CTDSPL2: variants seen among roughly 807,000 people sequenced by gnomAD.
CTDSPL2 encodes CTD small phosphatase like 2.
CTDSPL2 carries 5 observed loss-of-function variants against 60.0 expected under a neutral mutation model. The observed-to-expected ratio is 0.08, with a 90% CI of 0.04 to 0.18. The LOEUF is 0.18. Among genes scored for constraint, CTDSPL2 ranks in the 10% least tolerant of loss-of-function variants. The pLI, the probability that CTDSPL2 is intolerant of heterozygous loss-of-function variation, is 1.00. For missense variants in CTDSPL2, 370 were observed against 548.8 expected, an observed-to-expected ratio of 0.67 and a Z score of 3.26; for synonymous variants, 186 against 189.3, an observed-to-expected ratio of 0.98 and a Z score of 0.14.
chr15:44,477,369 C>CA (rs2080939712), intron 2 of CTDSPL2, among the ~76,000 whole-genome samples: 1 of 151,726 alleles, frequency 6.6e-6, no homozygotes, highest in East Asian at 1.9e-4. Context: ...CCCGTCTCTA[C>CA]AAAAAAATTT....
At chr15:44,485,216 A>AT (rs1463106729) in intron 3 of CTDSPL2, among the ~76,000 whole-genome samples, 1 of 152,252 alleles carries the variant, frequency 6.6e-6, no homozygotes, top group Non-Finnish European at 1.5e-5. Context: ...AAAACAAAGA[A>AT]TTAGACTGAA....
intron 2 of CTDSPL2, among the ~76,000 whole-genome samples, chr15:44,471,746 A>G (rs1474606227): frequency 1.3e-5 from 2 of 152,146 alleles, no homozygotes; most frequent in African/African-American, 4.8e-5. Flanking sequence ...CATCACCCTC[A>G]AAAGAAACCT....
intron 7 of CTDSPL2, among the ~76,000 whole-genome samples, chr15:44,498,801 A>T (rs1373817551): frequency 2.0e-5 from 3 of 152,110 alleles, no homozygotes; most frequent in African/African-American, 7.2e-5. Context: ...TGGGAGGCTG[A>T]GGCAGGAGAA....
intron 1 of CTDSPL2, among the ~76,000 whole-genome samples, chr15:44,432,915 C>T (rs2079890301): frequency 6.6e-6 from 1 of 152,048 alleles, no homozygotes; most frequent in South Asian, 2.1e-4. Context: ...AGCCACCGCA[C>T]CTGGCCGATT....
At chr15:44,446,705 CAAAA>C (rs558280344) in intron 1 of CTDSPL2, among the ~76,000 whole-genome samples, 1 of 92,254 alleles carries the variant, frequency 1.1e-5, no homozygotes, top group African/African-American at 4.2e-5. Flanking sequence ...AGGGAACAGG[CAAAA>C]AAAAAAAAGA....
At chr15:44,434,796 G>A (rs2141260868) in intron 1 of CTDSPL2, among the ~76,000 whole-genome samples, 1 of 152,228 alleles carries the variant, frequency 6.6e-6, no homozygotes, top group East Asian at 1.9e-4. Flanking sequence ...TTTATTTTTT[G>A]TATAGTTCTG....
Position 44,497,045 on chromosome 15 carries a change from T to C in CTDSPL2, c.789T>C (p.His263=). 6.2e-7 allele frequency: 1 copy of C among 1,604,804 alleles called. No homozygotes were observed. Among genetic ancestry groups the C allele is most frequent in the South Asian group, 1.1e-5 (1 of 90,516 alleles). Residue 263 remains histidine (H), a synonymous_variant, in exon 7 of 13, where the codon CAT becomes CAC. Coordinates refer to ENST00000260327, the MANE Select transcript of CTDSPL2 (RefSeq NM_016396.3). ...TTTATAGCTATTATTTCATCAAACATGTCCCGCCACTGACAGAAGAACAAC... is the reference window on the plus strand; with the variant it reads ...TTTATAGCTATTATTTCATCAAACACGTCCCGCCACTGACAGAAGAACAAC... ...EVFDPYYFIK[H]VPPLTEEQLN...
chr15:44,451,983 TC>T, intron 1 of CTDSPL2, among the ~76,000 whole-genome samples: 1 of 152,276 alleles, frequency 6.6e-6, no homozygotes, highest in African/African-American at 2.4e-5. Flanking sequence ...TAAATTCACT[TC>T]TAAGAAACTG....
chr15:44,486,583 G>A lies in CTDSPL2; in HGVS notation c.358G>A (p.Val120Ile), dbSNP rs945236392. ...TAGTTATGAAATGACAAATCAACAT[G>A]TAAAACAAAATGGAAAATTAGAAGA... ...AGSYEMTNQH[V>I]KQNGKLEDNP... is the part of the protein sequence containing the mutation. The change falls in exon 4 of 13, where the codon GTA (valine) becomes ATA (isoleucine). Residue 120 changes from valine (V) to isoleucine (I), a missense_variant. By Grantham distance (29) the Val-to-Ile change is conservative (BLOSUM62 3). Around this residue, in one of 6 missense-constraint regions of CTDSPL2, gnomAD observed 287 missense variants for 296.1 expected, o/e 0.97. Transcript: ENST00000260327. 27 of 1,586,936 alleles carry A rather than the reference G, an allele frequency of 1.7e-5. No individual in the cohort carries two copies. Among genetic ancestry groups the A allele is most frequent in the Non-Finnish European group, 2.3e-5 (27 of 1,169,234 alleles).
At chr15:44,429,265 A>G (rs1239319003) in intron 1 of CTDSPL2, among the ~76,000 whole-genome samples, 1 of 152,206 alleles carries the variant, frequency 6.6e-6, no homozygotes, top group Non-Finnish European at 1.5e-5. Flanking sequence ...GTTGAGCTTC[A>G]TACTTTCCTA....
chr15:44,450,555 G>A (rs1339286356), intron 1 of CTDSPL2, among the ~76,000 whole-genome samples: 1 of 150,360 alleles, frequency 6.7e-6, no homozygotes, highest in African/African-American at 2.4e-5. Flanking sequence ...CTGTATATTG[G>A]AATATGACAT....
At chr15:44,470,097 CAA>C (rs886463524) in intron 2 of CTDSPL2, among the ~76,000 whole-genome samples, 212 of 54,142 alleles carry the variant, frequency 3.9e-3, no homozygotes, top group African/African-American at 0.011. Context: ...GACTCTGTCT[CAA>C]AAAAAAAAAA....
intron 2 of CTDSPL2, among the ~76,000 whole-genome samples, chr15:44,467,895 G>GAGT (rs1224643525): frequency 1.3e-5 from 2 of 152,206 alleles, no homozygotes; most frequent in East Asian, 3.9e-4. Flanking sequence ...TTTTAATGTA[G>GAGT]AGTAGTACAT....
chr15:44,465,712 CTTTT>C (rs772862374), intron 2 of CTDSPL2, among the ~76,000 whole-genome samples: 2 of 128,032 alleles, frequency 1.6e-5, no homozygotes, highest in Non-Finnish European at 3.3e-5. Flanking sequence ...TCCTCCTCCT[CTTTT>C]TTTTTTTTTT....
intron 8 of CTDSPL2, among the ~76,000 whole-genome samples, chr15:44,502,257 ATG>A (rs2081393151): frequency 6.6e-6 from 1 of 151,940 alleles, no homozygotes; most frequent in African/African-American, 2.4e-5. Flanking sequence ...TTACATATAT[ATG>A]TATATATATT....
At chr15:44,494,426 CA>C (rs1325227950) in intron 5 of CTDSPL2, among the ~76,000 whole-genome samples, 3 of 151,574 alleles carry the variant, frequency 2.0e-5, no homozygotes, top group Non-Finnish European at 2.9e-5. Flanking sequence ...GGCAGCATAA[CA>C]AGATACTTTT....
intron 1 of CTDSPL2, chr15:44,448,301 C>G (rs1382489828): frequency 1.8e-5 from 5 of 271,518 alleles, no homozygotes; most frequent in Non-Finnish European, 3.7e-5. Flanking sequence ...TGGTCAAGGC[C>G]CAGCAGGCCC....
At chr15:44,459,395 C>T (rs1191899141) in intron 2 of CTDSPL2, among the ~76,000 whole-genome samples, 195 bp downstream of exon 2, 1 of 152,040 alleles carries the variant, frequency 6.6e-6, no homozygotes, top group East Asian at 1.9e-4. Context: ...GGCGAGGTGG[C>T]GGGCGCCTGT....
intron 8 of CTDSPL2, among the ~76,000 whole-genome samples, chr15:44,502,865 C>T (rs992640853): frequency 6.6e-6 from 1 of 152,024 alleles, no homozygotes; most frequent in Admixed American, 6.6e-5. Flanking sequence ...CCACTACTCA[C>T]ATTTAAAGAT....
Sources: allele counts gnomAD v4.1 joint callset (sites outside exome capture counted in the v4.1 genomes callset), GRCh38; gene constraint gnomAD v4.1.1; regional missense constraint gnomAD v4.1.1; transcripts MANE v1.5; gene names NCBI Gene and HGNC (gene_info 2026-07-23, HGNC 2026-07-21).